TTC39A: variants seen among roughly 807,000 people sequenced by gnomAD.
The protein encoded by TTC39A is tetratricopeptide repeat protein 39A.
A neutral mutation model predicts 82.3 loss-of-function variants in TTC39A; 46 were observed. The observed-to-expected ratio is 0.56, with a 90% CI of 0.44 to 0.71. TTC39A has a LOEUF of 0.71. Ranked by LOEUF, TTC39A falls within the 30% of genes least tolerant of loss-of-function variation. The pLI, the probability that TTC39A is intolerant of heterozygous loss-of-function variation, is 0.00. For missense variants in TTC39A, 543 were observed against 712.9 expected (o/e 0.76, Z 2.71); for synonymous variants, 254 against 275.2 (o/e 0.92, Z 0.76).
At chr1:51,300,249 T>C (rs747692629) in intron 12 of TTC39A, 25 of 152,298 alleles carry the variant, frequency 1.6e-4, no homozygotes, top group African/African-American at 5.8e-4. Context: ...GTGGAGGACA[T>C]GACAGGTGCC....
chr1:51,290,054 G>C lies in TTC39A; in HGVS notation c.1444C>G (p.Leu482Val). 1 of 1,613,926 alleles carries C rather than the reference G, an allele frequency of 6.2e-7. No homozygotes were observed. ...TCCTCGGCCTCCTGGACACGGCCCAGGTATTTCAGACACAGGCCTTTCAAC... is the reference window on the plus strand; with the variant it reads ...TCCTCGGCCTCCTGGACACGGCCCACGTATTTCAGACACAGGCCTTTCAAC... ...KLLKGLCLKYLGRVQEAEENF... is the reference protein window; with the variant it reads ...KLLKGLCLKYVGRVQEAEENF... Residue 482 changes from leucine (L) to valine (V), a missense_variant, in exon 16 of 18, where the codon CTG (leucine) becomes GTG (valine). By Grantham distance (32) the Leu-to-Val change is conservative (BLOSUM62 1). Transcript: ENST00000680483.
Position 51,294,451 on chromosome 1 carries a change from G to A in TTC39A, c.1206C>T (p.Ala402=), listed in dbSNP as rs1339788262. The change falls in exon 14 of 18, where the codon GCC becomes GCT. Residue 402 remains alanine, a synonymous_variant. Transcript: ENST00000680483. The surrounding 1 kb of genome is among the most constrained non-coding windows in gnomAD (Gnocchi z 4.3). ...AGAAGTAGCGCCGGGACTTCCGGAT[G>A]GCAAACTTCTCTGTGGGTAGAGATT... ...AGKSLPTEKF[A]IRKSRRYFSS... 4.3e-6 allele frequency: 7 copies of A among 1,613,878 alleles called. No homozygotes were observed. The highest frequency in any genetic ancestry group is 5.9e-6 in the Non-Finnish European group (7 of 1,179,900).
intron 12 of TTC39A, chr1:51,296,755 C>A (rs1322193423): frequency 6.2e-6 from 1 of 160,378 alleles, no homozygotes; most frequent in African/African-American, 2.4e-5. Context: ...TCGCTTGATC[C>A]CAAAGCCAAT....
chr1:51,312,290 GAC>G, intron 3 of TTC39A, 95 bp from the exon 4 acceptor site: 1 of 1,218,704 alleles, frequency 8.2e-7, no homozygotes, highest in Non-Finnish European at 1.2e-6. Flanking sequence ...TTCCTAAAGA[GAC>G]AGAGCTAGCA....
rs746453366 is a variant in TTC39A, at chr1:51,290,490, G to C, written c.1378+24C>G. On this transcript the variant is annotated intron_variant, in intron 15 of 17. Coordinates refer to ENST00000680483, the MANE Select transcript of TTC39A (RefSeq NM_001297663.2). The stretch of plus-strand genomic sequence containing the variant: ...GTAAAGACCTGACCTAGCATGGCAG[G>C]CCCAAGGGCCTGAGGGAAGTCACCT... 5.6e-6 allele frequency: 9 copies of C among 1,604,492 alleles called. No individual in the cohort carries two copies. In the African/African-American group the frequency reaches 1.2e-4, roughly 22 times the overall value.
At position 51,330,456 on chromosome 1, in the gene TTC39A, G is replaced by C; in HGVS notation, c.22C>G (p.Pro8Ala). 1 of 983,550 alleles carries C rather than the reference G, an allele frequency of 1.0e-6. No individual in the cohort carries two copies. Among genetic ancestry groups the C allele is most frequent in the African/African-American group, 1.8e-5 (1 of 56,842 alleles). 60.9% of individuals were successfully genotyped at this position (983,550 alleles called of 1,614,324 possible). A position where few individuals can be genotyped will look rare whatever the true frequency, so the allele number is the denominator to read the frequency against. The stretch of plus-strand genomic sequence containing the variant: ...ACTTACCCCGCGGGCAGGGCTCCTG[G>C]GGCGCCGCCAGCCGAGGTCATCGCC... MTSAGGA[P>A]GALPAGTPES... is the part of the protein sequence containing the mutation. The change falls in exon 1 of 18, where the codon CCA (proline) becomes GCA (alanine). Residue 8 changes from proline to alanine, a missense_variant. By Grantham distance (27) the Pro-to-Ala change is conservative. Coordinates refer to ENST00000680483, the MANE Select transcript of TTC39A (RefSeq NM_001297663.2). This position sits in a 1 kb window ranked among gnomAD's most constrained non-coding sequence, Gnocchi z 4.5.
In TTC39A at chr1:51,288,363, G is replaced by A. The variant is rs755502944; in HGVS notation, c.1611-83C>T. ...CTCCTGTTTGAGCTGTATGAGCCCC[G>A]CGAGCCAAGGAAGGATTGTAGAGAA... On this transcript the variant is annotated intron_variant, in intron 17 of 17. Transcript: ENST00000680483. This position sits in a 1 kb window ranked among gnomAD's most constrained non-coding sequence, Gnocchi z 4.8. The A allele has an allele frequency of 3.8e-5, 60 of 1,590,860 alleles. No individual in the cohort carries two copies. The Admixed American group carries it at 4.2e-4, about 11-fold the overall frequency.
At chr1:51,322,216 CT>C in intron 1 of TTC39A, 1 of 1,518,748 alleles carries the variant, frequency 6.6e-7, no homozygotes, top group Non-Finnish European at 8.8e-7. Context: ...CCCACAGCCC[CT>C]TTTTCCCTCC....
intron 1 of TTC39A, among the ~76,000 whole-genome samples, chr1:51,340,253 A>T (rs1022333129): frequency 3.3e-5 from 5 of 152,108 alleles, no homozygotes; most frequent in African/African-American, 1.2e-4. Flanking sequence ...CCATTCCCCC[A>T]CCAGGCCAGG....
At chr1:51,329,848 A>G (rs1645840200) in intron 1 of TTC39A, 1 of 152,334 alleles carries the variant, frequency 6.6e-6, no homozygotes, top group South Asian at 2.1e-4. Context: ...GGATGTGGGT[A>G]GGGTTGGGCA....
At position 51,296,092 on chromosome 1, in the gene TTC39A, C is replaced by G. The variant is rs1453082661; in HGVS notation, c.1132G>C (p.Val378Leu). 1.3e-6 allele frequency: 2 copies of G among 1,589,332 alleles called. No homozygotes were observed. The highest frequency in any genetic ancestry group is 1.1e-5 in the South Asian group (1 of 86,984). ...TGTGGGACCCACCGAAATAATTCCA[C>G]TTCGTCGTCCCCGAACGGCTTGTGG... ...EDHKPFGDDE[V>L]ELFRAVPGLK... is the part of the protein sequence containing the mutation. The change falls in exon 13 of 18, where the codon GTG becomes CTG. Residue 378 changes from valine to leucine, a missense_variant. Coordinates refer to ENST00000680483, the MANE Select transcript of TTC39A (RefSeq NM_001297663.2).
chr1:51,308,231 T>C (rs1391820930), intron 6 of TTC39A, among the ~76,000 whole-genome samples: 1 of 151,584 alleles, frequency 6.6e-6, no homozygotes, highest in Non-Finnish European at 1.5e-5. Context: ...ATAAACCTCT[T>C]GCCGCCACCC....
intron 5 of TTC39A, among the ~76,000 whole-genome samples, chr1:51,309,587 T>C (rs528034953): frequency 1.3e-5 from 2 of 152,172 alleles, no homozygotes; most frequent in Non-Finnish European, 2.9e-5. Context: ...ATTAACAGTA[T>C]CTCCCTCTAG....
chr1:51,339,110 G>T (rs1646006593), intron 1 of TTC39A, among the ~76,000 whole-genome samples: 2 of 152,244 alleles, frequency 1.3e-5, no homozygotes, highest in African/African-American at 2.4e-5. Flanking sequence ...TTCTTGCAGG[G>T]TGTGGGGGCT....
At chr1:51,337,881 T>C (rs931730072) in intron 1 of TTC39A, among the ~76,000 whole-genome samples, 12 of 152,014 alleles carry the variant, frequency 7.9e-5, no homozygotes, top group African/African-American at 2.9e-4. Context: ...CAGGTAGGGC[T>C]TTTGTTTGTT....
intron 1 of TTC39A, among the ~76,000 whole-genome samples, chr1:51,338,760 G>A (rs1183235883): frequency 6.6e-6 from 1 of 151,812 alleles, no homozygotes; most frequent in Non-Finnish European, 1.5e-5. Context: ...GCACCACCAA[G>A]CCCGGCTAAT....
chr1:51,319,949 C>G (rs1645433657), intron 2 of TTC39A, among the ~76,000 whole-genome samples: 1 of 152,168 alleles, frequency 6.6e-6, no homozygotes, highest in African/African-American at 2.4e-5. Flanking sequence ...CTCAGCCTCC[C>G]AAAGTGCTGG....
chr1:51,301,243 T>G, intron 12 of TTC39A: 1 of 234,242 alleles, frequency 4.3e-6, no homozygotes, highest in Non-Finnish European at 8.4e-6. Context: ...ACTAGGCACA[T>G]TTCATGTGCT....
At chr1:51,344,885 T>C in intron 1 of TTC39A, 1 of 1,381,594 alleles carries the variant, frequency 7.2e-7, no homozygotes, top group Non-Finnish European at 9.7e-7. Flanking sequence ...CACACACCCT[T>C]TCCCCAGCTG....
Sources: allele counts gnomAD v4.1 joint callset (sites outside exome capture counted in the v4.1 genomes callset), GRCh38; gene constraint gnomAD v4.1.1; non-coding constraint Gnocchi (gnomAD v3.1); transcripts MANE v1.5; gene names NCBI Gene and HGNC (gene_info 2026-07-23, HGNC 2026-07-21).